Variants in IGF1R observed in about 807,000 individuals in gnomAD.
IGF1R encodes the protein insulin-like growth factor 1 receptor.
IGF1R carries 44 observed loss-of-function variants against 144.6 expected under a neutral mutation model. The observed-to-expected ratio is 0.30, with a 90% confidence interval of 0.24 to 0.39. The LOEUF (loss-of-function observed/expected upper bound fraction) is 0.39, where lower values mean the gene tolerates loss of function less well. Among genes scored for constraint, IGF1R ranks in the 10% least tolerant of loss-of-function variants. The pLI, the probability that IGF1R is intolerant of heterozygous loss-of-function variation, is 1.00. For missense variants in IGF1R, 1,355 were observed against 1,833.7 expected, an observed-to-expected ratio of 0.74 and a Z score of 4.77; for synonymous variants, 795 against 722.8, an observed-to-expected ratio of 1.10 and a Z score of -1.60.
chr15:98,934,893 C>T lies in IGF1R; in HGVS notation c.3026C>T (p.Ser1009Leu), dbSNP rs1470161328. The T allele has an allele frequency of 1.9e-6, 3 of 1,613,838 alleles. No homozygotes were observed. Among genetic ancestry groups the T allele is most frequent in the Non-Finnish European group, 1.7e-6 (2 of 1,180,014 alleles). ...ATGAGCCGGGAACTTGGGCAGGGGTCGTTTGGGATGGTCTATGAAGGAGTT... is the reference window on the plus strand; with the variant it reads ...ATGAGCCGGGAACTTGGGCAGGGGTTGTTTGGGATGGTCTATGAAGGAGTT... Reference protein sequence around the residue: ...ITMSRELGQGSFGMVYEGVAK... With the variant: ...ITMSRELGQGLFGMVYEGVAK... Residue 1009 changes from serine (S) to leucine (L), a missense_variant, in exon 16 of 21, where the codon TCG (serine) becomes TTG (leucine). This residue lies in a region of IGF1R where 880 missense variants were observed against 1,202.7 expected (regional missense o/e 0.73). Transcript: ENST00000650285.
chr15:98,941,889 A>G (rs1051538520), intron 18 of IGF1R, among the ~76,000 whole-genome samples: 17 of 152,190 alleles, frequency 1.1e-4, no homozygotes, highest in African/African-American at 3.9e-4. Context: ...CACTTAAGAA[A>G]AGGTTGTATG....
intron 2 of IGF1R, among the ~76,000 whole-genome samples, chr15:98,777,670 A>T (rs1022741475): frequency 1.3e-5 from 2 of 152,198 alleles, no homozygotes; most frequent in African/African-American, 4.8e-5. Context: ...CAGGCCCCAT[A>T]CCTTGGTGGG....
At chr15:98,943,927 A>G (rs984935762) in intron 19 of IGF1R, among the ~76,000 whole-genome samples, 3 of 152,050 alleles carry the variant, frequency 2.0e-5, no homozygotes. Flanking sequence ...GGGGCCTTGG[A>G]TCTTATTTTG....
intron 1 of IGF1R, among the ~76,000 whole-genome samples, chr15:98,675,424 A>C (rs2053010992): frequency 6.6e-6 from 1 of 152,258 alleles, no homozygotes; most frequent in South Asian, 2.1e-4. Context: ...GTAAGTGTGC[A>C]TGATCCTAGA....
At chr15:98,753,452 C>T (rs2055072491) in intron 2 of IGF1R, among the ~76,000 whole-genome samples, 1 of 131,622 alleles carries the variant, frequency 7.6e-6, no homozygotes, top group Non-Finnish European at 1.5e-5. Flanking sequence ...AGGCTTGTCT[C>T]GAACTCCTGG....
In IGF1R at chr15:98,960,071, CTTAT is replaced by C. The variant is rs897149247; in HGVS notation, c.*2632_*2635del. 30 of 233,486 alleles carry C rather than the reference CTTAT, an allele frequency of 1.3e-4. No homozygotes were observed. Among genetic ancestry groups the C allele is most frequent in the African/African-American group, 6.2e-4 (28 of 45,408 alleles). 14.5% of individuals were successfully genotyped at this position (233,486 alleles called of 1,614,324 possible). Reference sequence around the variant, plus strand: ...CCCCCAAACATTTATCTACCTCACTCTTATTTTTTATATGTGTATATAGACAAAA... The same window carrying C: ...CCCCCAAACATTTATCTACCTCACTCTTTTTATATGTGTATATAGACAAAA... On this transcript the variant is annotated 3_prime_UTR_variant, in exon 21 of 21. Transcript: ENST00000650285.
intron 1 of IGF1R, among the ~76,000 whole-genome samples, chr15:98,652,652 C>T (rs1182601246): frequency 6.6e-6 from 1 of 152,140 alleles, no homozygotes; most frequent in Non-Finnish European, 1.5e-5. Flanking sequence ...TGAAAGAAGT[C>T]AGTCACAAAA....
At chr15:98,682,392 G>C (rs1178044383) in intron 1 of IGF1R, among the ~76,000 whole-genome samples, 1 of 152,144 alleles carries the variant, frequency 6.6e-6, no homozygotes, top group Non-Finnish European at 1.5e-5. Flanking sequence ...TCTGTGCTCC[G>C]AGATGTTTTC....
intron 2 of IGF1R, among the ~76,000 whole-genome samples, chr15:98,886,280 T>C (rs919069064): frequency 6.6e-6 from 1 of 152,192 alleles, no homozygotes; most frequent in African/African-American, 2.4e-5. Flanking sequence ...GTGTGACTCT[T>C]TTTCCTCTCC....
At chr15:98,791,585 G>A (rs891551292) in intron 2 of IGF1R, among the ~76,000 whole-genome samples, 4 of 152,176 alleles carry the variant, frequency 2.6e-5, no homozygotes, top group Admixed American at 2.6e-4. Context: ...AAAGTAGAAG[G>A]TGGGGAGAAG....
At chr15:98,944,862 C>T (rs60804467) in intron 19 of IGF1R, among the ~76,000 whole-genome samples, 29,639 of 152,144 alleles carry the variant, frequency 0.19, 3,032 homozygotes, top group South Asian at 0.33. Context: ...GCAAATCTTT[C>T]GTGTTCTGCT....
At chr15:98,771,921 ATAGG>A (rs1187435857) in intron 2 of IGF1R, among the ~76,000 whole-genome samples, 3 of 151,316 alleles carry the variant, frequency 2.0e-5, no homozygotes, top group African/African-American at 4.9e-5. Context: ...TTTTTTTTAA[ATAGG>A]TAGGGAGGCA....
chr15:98,963,811 AAACTAT>A lies in IGF1R; in HGVS notation c.*6373_*6378del, dbSNP rs2017321141. 1 of 232,962 alleles carries A rather than the reference AAACTAT, an allele frequency of 4.3e-6. No individual in the cohort carries two copies. Among genetic ancestry groups the A allele is most frequent in the Non-Finnish European group, 8.5e-6 (1 of 117,902 alleles). The allele number at this position is 232,962 out of a possible 1,614,324, so 14.4% of individuals were successfully genotyped here. A position where few individuals can be genotyped will look rare whatever the true frequency, so the allele number is the denominator to read the frequency against. ...CAATACAGAAAAGAATTTTTAATAA[AAACTAT>A]AACATACACAAAAATTGGTTTTAAA... On this transcript the variant is annotated 3_prime_UTR_variant, in exon 21 of 21. Coordinates refer to ENST00000650285, the MANE Select transcript of IGF1R (RefSeq NM_000875.5).
At chr15:98,780,750 G>A (rs1167653253) in intron 2 of IGF1R, among the ~76,000 whole-genome samples, 4 of 151,948 alleles carry the variant, frequency 2.6e-5, no homozygotes, top group Admixed American at 6.6e-5. Flanking sequence ...ATCTCCTTAC[G>A]GTTTAGATAG....
At chr15:98,712,262 C>G (rs1477920145) in intron 2 of IGF1R, among the ~76,000 whole-genome samples, 1 of 152,166 alleles carries the variant, frequency 6.6e-6, no homozygotes, top group Non-Finnish European at 1.5e-5. Flanking sequence ...ATATCCATCC[C>G]AGAACCCTTT....
At chr15:98,767,036 A>T (rs2055453042) in intron 2 of IGF1R, among the ~76,000 whole-genome samples, 1 of 151,886 alleles carries the variant, frequency 6.6e-6, no homozygotes, top group African/African-American at 2.4e-5. Context: ...TTAATTGCCT[A>T]CTCGCCCAGT....
intron 2 of IGF1R, among the ~76,000 whole-genome samples, chr15:98,758,255 C>G (rs1414883007): frequency 2.0e-5 from 3 of 151,604 alleles, no homozygotes; most frequent in Non-Finnish European, 4.4e-5. Context: ...AATTGTGTCT[C>G]CACATATGCT....
chr15:98,808,664 G>A lies in IGF1R; in HGVS notation c.641-82661G>A, dbSNP rs953418749. On this transcript the variant is annotated intron_variant, in intron 2 of 20. Transcript: ENST00000650285. ...CTCGCAGGGACTCTAGGGCAGGTAT[G>A]TTCTTGAAAGATTTTTTTTTTTTTC... Among the ~76,000 whole-genome samples the A allele has an allele frequency of 1.8e-3, 239 of 132,116 alleles. 2 individuals are homozygous for A. Among genetic ancestry groups the A allele is most frequent in the African/African-American group, 6.4e-3 (224 of 34,788 alleles). 86.7% of individuals were successfully genotyped at this position (132,116 alleles called of 152,430 possible). A position where few individuals can be genotyped will look rare whatever the true frequency, so the allele number is the denominator to read the frequency against.
At chr15:98,942,370 G>C (rs978539967) in intron 18 of IGF1R, among the ~76,000 whole-genome samples, 1 of 152,120 alleles carries the variant, frequency 6.6e-6, no homozygotes, top group Non-Finnish European at 1.5e-5. Flanking sequence ...TTCTCACTCT[G>C]TCACCCAAGC....
Sources: allele counts gnomAD v4.1 joint callset (sites outside exome capture counted in the v4.1 genomes callset), GRCh38; gene constraint gnomAD v4.1.1; regional missense constraint gnomAD v4.1.1; transcripts MANE v1.5; gene names NCBI Gene and HGNC (gene_info 2026-07-23, HGNC 2026-07-21).